Variants in KCNK3 observed in about 807,000 individuals in gnomAD.
The protein encoded by KCNK3 is potassium channel subfamily K member 3.
KCNK3 carries 9 observed loss-of-function variants against 27.3 expected under a neutral mutation model. The observed-to-expected ratio is 0.33, with a 90% CI of 0.20 to 0.57. KCNK3 has a LOEUF of 0.57. KCNK3 is among the 20% of genes least tolerant of loss of function. The pLI, the probability that KCNK3 is intolerant of heterozygous loss-of-function variation, is 0.87. For synonymous variants in KCNK3, 278 were observed against 273.8 expected (o/e 1.02, Z -0.15); for missense variants, 391 against 577.7 (o/e 0.68, Z 3.31).
chr2:26,715,707 C>G (rs914343358), intron 1 of KCNK3, among the ~76,000 whole-genome samples: 2 of 152,140 alleles, frequency 1.3e-5, no homozygotes, highest in African/African-American at 2.4e-5. Flanking sequence ...GGGGCCGGGT[C>G]GGGGATTTTC....
In KCNK3 at chr2:26,728,193, GGGC is replaced by G; in HGVS notation, c.819_821del (p.Gly277del). 3 of 1,564,444 alleles carry G rather than the reference GGGC, an allele frequency of 1.9e-6. No individual in the cohort carries two copies. Among genetic ancestry groups the G allele is most frequent in the Non-Finnish European group, 2.6e-6 (3 of 1,154,832 alleles). The stretch of plus-strand genomic sequence containing the variant: ...CGCTGCTCACGCGCAACGGGCAGGC[GGGC>G]GGCGGCGGAGGGGGTGGCAGCGCGC... On this transcript the variant is annotated inframe_deletion, in exon 2 of 2. Transcript: ENST00000302909.
rs891255576 is a variant in KCNK3 at position 26,692,799 on chromosome 2, G to T, written c.-77G>T. The T allele has an allele frequency of 1.2e-6, 1 of 842,964 alleles. No homozygotes were observed. Among genetic ancestry groups the T allele is most frequent in the Admixed American group, 6.3e-5 (1 of 15,900 alleles). 52.2% of individuals were successfully genotyped at this position (842,964 alleles called of 1,614,324 possible). On this transcript the variant is annotated 5_prime_UTR_variant, in exon 1 of 2. Transcript: ENST00000302909. This position sits in a 1 kb window ranked among gnomAD's most constrained non-coding sequence, Gnocchi z 5.6. ...CGCAGCCATGCCCCAGGCCGCCTCC[G>T]GGGCAGCAGCAGCGGCGGCCGGGGC... is the stretch of plus-strand genomic sequence containing the variant.
At position 26,710,185 on chromosome 2, in the gene KCNK3, C is replaced by T. The variant is rs75413928; in HGVS notation, c.283+17027C>T. Among the ~76,000 whole-genome samples the T allele has an allele frequency of 4.4e-3, 676 of 152,274 alleles. 5 individuals carry two copies. Among genetic ancestry groups the T allele is most frequent in the African/African-American group, 0.016 (645 of 41,554 alleles). Reference sequence around the variant, plus strand: ...GAGCTTTGCAGGGAACCTGGGCCTGCGAGACAGAAGTGTGGCCCCTGTCCC... The same window carrying T: ...GAGCTTTGCAGGGAACCTGGGCCTGTGAGACAGAAGTGTGGCCCCTGTCCC... On this transcript the variant is annotated intron_variant, in intron 1 of 1. Coordinates refer to ENST00000302909, the MANE Select transcript of KCNK3 (RefSeq NM_002246.3).
intron 1 of KCNK3, among the ~76,000 whole-genome samples, chr2:26,709,620 G>T (rs532723226): frequency 6.6e-6 from 1 of 152,298 alleles, no homozygotes; most frequent in East Asian, 1.9e-4. Flanking sequence ...AGGGGAGGGT[G>T]GTGGGAGTCG....
At chr2:26,699,135 G>A (rs1162458408) in intron 1 of KCNK3, among the ~76,000 whole-genome samples, 8 of 148,032 alleles carry the variant, frequency 5.4e-5, no homozygotes, top group South Asian at 4.3e-4. Context: ...CCAAGATCGC[G>A]CCACTGCACC....
chr2:26,725,097 A>G (rs749209995), intron 1 of KCNK3, among the ~76,000 whole-genome samples: 16 of 152,148 alleles, frequency 1.1e-4, no homozygotes, highest in Admixed American at 5.9e-4. Context: ...GTCACGGCCT[A>G]TGACAAACAC....
chr2:26,726,122 G>C (rs1017444961), intron 1 of KCNK3, among the ~76,000 whole-genome samples: 24 of 152,058 alleles, frequency 1.6e-4, no homozygotes, highest in African/African-American at 5.3e-4. Context: ...GAGAGAGAGA[G>C]AGAGAGAGAG....
At chr2:26,699,125 C>T (rs898572491) in intron 1 of KCNK3, among the ~76,000 whole-genome samples, 1 of 149,964 alleles carries the variant, frequency 6.7e-6, no homozygotes, top group African/African-American at 2.5e-5. Flanking sequence ...TTGCAGTGAG[C>T]CAAGATCGCG....
chr2:26,728,576 G>A lies in KCNK3; in HGVS notation c.*8G>A, dbSNP rs770050192. 5 of 1,433,446 alleles carry A rather than the reference G, an allele frequency of 3.5e-6. No individual in the cohort carries two copies. The African/African-American group carries it at 4.5e-5, about 13-fold the overall frequency. The allele number at this position is 1,433,446 out of a possible 1,614,324, so 88.8% of individuals were successfully genotyped here. Reference sequence around the variant, plus strand: ...CGCAGGAGCTCCGTGTGACTGCCCCGAGGGGCCTGGAGCACCTGGGGGCGC... The same window carrying A: ...CGCAGGAGCTCCGTGTGACTGCCCCAAGGGGCCTGGAGCACCTGGGGGCGC... On this transcript the variant is annotated 3_prime_UTR_variant, in exon 2 of 2. Transcript: ENST00000302909.
chr2:26,728,698 C>A lies in KCNK3; in HGVS notation c.*130C>A. ...CATCCCTCACCACTCTCCCCCAGCA[C>A]CCCCATCTCCGACTGTGCCTGCTTG... On this transcript the variant is annotated 3_prime_UTR_variant, in exon 2 of 2. Coordinates refer to ENST00000302909, the MANE Select transcript of KCNK3 (RefSeq NM_002246.3). The A allele has an allele frequency of 2.5e-6, 2 of 784,758 alleles. No individual in the cohort carries two copies. Among genetic ancestry groups the A allele is most frequent in the African/African-American group, 1.8e-5 (1 of 55,044 alleles). The allele number at this position is 784,758 out of a possible 1,614,324, so 48.6% of individuals were successfully genotyped here.
intron 1 of KCNK3, among the ~76,000 whole-genome samples, chr2:26,703,586 C>T (rs1203408275): frequency 1.3e-5 from 2 of 152,214 alleles, no homozygotes; most frequent in East Asian, 1.9e-4. Flanking sequence ...GAATTGGCTT[C>T]AGCCTTCCTT....
At chr2:26,704,456 T>C (rs768392853) in intron 1 of KCNK3, among the ~76,000 whole-genome samples, 4 of 152,198 alleles carry the variant, frequency 2.6e-5, no homozygotes, top group Non-Finnish European at 4.4e-5. Context: ...ATGGACTCAG[T>C]GTCCCTCATC....
At chr2:26,727,426 C>A (rs1314380747) in intron 1 of KCNK3, among the ~76,000 whole-genome samples, 2 of 152,196 alleles carry the variant, frequency 1.3e-5, no homozygotes, top group Non-Finnish European at 2.9e-5. Context: ...AGCCGTGTGA[C>A]CTTGGAAGTC....
chr2:26,728,523 C>G lies in KCNK3; in HGVS notation c.1140C>G (p.Ser380Arg), dbSNP rs753377260. 160 of 1,482,574 alleles carry G rather than the reference C, an allele frequency of 1.1e-4. No homozygotes were observed. In the Admixed American group the frequency reaches 2.4e-3, roughly 22 times the overall value. The allele number at this position is 1,482,574 out of a possible 1,614,324, so 91.8% of individuals were successfully genotyped here. The change falls in exon 2 of 2, where the codon AGC (serine) becomes AGG (arginine). Residue 380 changes from serine to arginine, a missense_variant. By Grantham distance (110) the Ser-to-Arg change is moderately radical. Coordinates refer to ENST00000302909, the MANE Select transcript of KCNK3 (RefSeq NM_002246.3). ...AISSVSTGLH[S>R]LSTFRGLMKR... ...GCTCGGTGTCCACGGGTCTGCACAG[C>G]CTGTCCACCTTCCGCGGCCTCATGA...
At chr2:26,706,128 A>T (rs2148258987) in intron 1 of KCNK3, among the ~76,000 whole-genome samples, 1 of 152,318 alleles carries the variant, frequency 6.6e-6, no homozygotes, top group Non-Finnish European at 1.5e-5. Context: ...TGGGCCACTC[A>T]CCAGCTGCTA....
rs553436247 is a variant in KCNK3, at chr2:26,705,927, C to T, written c.283+12769C>T. Among the ~76,000 whole-genome samples the T allele has an allele frequency of 1.1e-4, 16 of 152,238 alleles. No homozygotes were observed. In the South Asian group the frequency reaches 2.9e-3, roughly 28 times the overall value. On this transcript the variant is annotated intron_variant, in intron 1 of 1. Transcript: ENST00000302909. ...GTGTGCTGAGTAGGGAGGTTACCCC[C>T]GTAGCAGCAGTTGCTGGAACCAGAG...
Position 26,693,196 on chromosome 2 carries a change from T to C in KCNK3, c.283+38T>C. On this transcript the variant is annotated intron_variant, in intron 1 of 1. Coordinates refer to ENST00000302909, the MANE Select transcript of KCNK3 (RefSeq NM_002246.3). This position sits in a 1 kb window ranked among gnomAD's most constrained non-coding sequence, Gnocchi z 5.5. Reference sequence around the variant, plus strand: ...CGGGCGGGGGGCGGGAACCCAGGGCTGGGCGCGGGGCTCCGGGAGTCGTCC... The same window carrying C: ...CGGGCGGGGGGCGGGAACCCAGGGCCGGGCGCGGGGCTCCGGGAGTCGTCC... The C allele has an allele frequency of 1.6e-5, 10 of 644,616 alleles. No homozygotes were observed. The highest frequency in any genetic ancestry group is 3.8e-5 in the South Asian group (1 of 26,414). 39.9% of individuals were successfully genotyped at this position (644,616 alleles called of 1,614,324 possible). A position where few individuals can be genotyped will look rare whatever the true frequency, so the allele number is the denominator to read the frequency against.
At position 26,732,444 on chromosome 2, in the gene KCNK3, C is replaced by T. The variant is rs1663557420; in HGVS notation, c.*3876C>T. ...AGAGTGGGAGTAGGGACACTTTCTC[C>T]CAGTGCCCACACCGCCCCTCGTTAC... is the stretch of plus-strand genomic sequence containing the variant. On this transcript the variant is annotated 3_prime_UTR_variant, in exon 2 of 2. Coordinates refer to ENST00000302909, the MANE Select transcript of KCNK3 (RefSeq NM_002246.3). 6.6e-6 allele frequency: 1 copy of T among 152,168 alleles called. No individual in the cohort carries two copies. Among genetic ancestry groups the T allele is most frequent in the Non-Finnish European group, 1.5e-5 (1 of 68,036 alleles). The allele number at this position is 152,168 out of a possible 1,614,324, so 9.4% of individuals were successfully genotyped here.
rs114534621 is a variant in KCNK3 at position 26,719,963 on chromosome 2, T to C, written c.284-7704T>C. On this transcript the variant is annotated intron_variant, in intron 1 of 1. Coordinates refer to ENST00000302909, the MANE Select transcript of KCNK3 (RefSeq NM_002246.3). ...TCCTCTCTCAGCCTCAGTTTACCCA[T>C]CTATAAAATGAGTGGGGGGAAGGGC... Among the ~76,000 whole-genome samples, 942 of 152,266 alleles carry C rather than the reference T, an allele frequency of 6.2e-3. 1 individual carries two copies. The highest frequency in any genetic ancestry group is 0.01 in the Non-Finnish European group (688 of 68,016).
Sources: allele counts gnomAD v4.1 joint callset (sites outside exome capture counted in the v4.1 genomes callset), GRCh38; gene constraint gnomAD v4.1.1; non-coding constraint Gnocchi (gnomAD v3.1); transcripts MANE v1.5; gene names NCBI Gene and HGNC (gene_info 2026-07-23, HGNC 2026-07-21).